The following MARCHF5 variants were observed in gnomAD, a reference collection of about 807,000 sequenced individuals.
The protein encoded by MARCHF5 is membrane associated ring-CH-type finger 5.
In MARCHF5, 5 loss-of-function variants were observed where a neutral mutation model predicts 36.5. The observed-to-expected ratio is 0.14, with a 90% CI of 0.07 to 0.29. The LOEUF (loss-of-function observed/expected upper bound fraction) is 0.29. Among genes scored for constraint, MARCHF5 ranks in the 10% least tolerant of loss-of-function variants. MARCHF5 has a pLI of 1.00. For missense variants in MARCHF5, 179 were observed against 336.3 expected (o/e 0.53, Z 3.66); for synonymous variants, 103 against 109.9 (o/e 0.94, Z 0.39).
At chr10:92,343,759 G>A (rs11186932) in intron 3 of MARCHF5, among the ~76,000 whole-genome samples, 50,985 of 152,048 alleles carry the variant, frequency 0.34, 10,747 homozygotes, top group Middle Eastern at 0.52. Context: ...AGTAGAGATG[G>A]GGTTTCACCA....
rs1367698636 is a variant in MARCHF5, at chr10:92,311,125, T to G, written c.36-10T>G. 6.2e-7 allele frequency: 1 copy of G among 1,609,426 alleles called. No individual in the cohort carries two copies. Among genetic ancestry groups the G allele is most frequent in the African/African-American group, 1.3e-5 (1 of 74,778 alleles). On this transcript the variant is annotated splice_polypyrimidine_tract_variant and intron_variant, in intron 1 of 5. Coordinates refer to ENST00000358935, the MANE Select transcript of MARCHF5 (RefSeq NM_017824.5). ...ATATAAATGTCATCCTTTTCTCTTT[T>G]AATTTACAGAAGTTGCTGGGTTTGT... is the stretch of plus-strand genomic sequence containing the variant.
intron 2 of MARCHF5, among the ~76,000 whole-genome samples, chr10:92,337,609 G>T (rs982976568): frequency 2.6e-5 from 4 of 152,064 alleles, no homozygotes; most frequent in Admixed American, 1.3e-4. Context: ...GGGCAAAAAG[G>T]CTCAAGAAAA....
intron 2 of MARCHF5, among the ~76,000 whole-genome samples, chr10:92,327,869 G>C (rs1843385896): frequency 6.7e-6 from 1 of 149,996 alleles, no homozygotes; most frequent in African/African-American, 2.4e-5. Context: ...GCATAAAAGG[G>C]AAAAAAAAAG....
chr10:92,293,649 G>A (rs1842917583), intron 1 of MARCHF5, among the ~76,000 whole-genome samples: 1 of 149,550 alleles, frequency 6.7e-6, no homozygotes, highest in African/African-American at 2.4e-5. Flanking sequence ...CAGGCGTAGT[G>A]GCGTGGGCCT....
At chr10:92,336,536 G>A (rs1276077690) in intron 2 of MARCHF5, among the ~76,000 whole-genome samples, 1 of 152,116 alleles carries the variant, frequency 6.6e-6, no homozygotes, top group Non-Finnish European at 1.5e-5. Flanking sequence ...GTAAATTAGG[G>A]TATGTTATGT....
intron 5 of MARCHF5, chr10:92,350,072 T>A (rs1843698862): frequency 2.2e-6 from 1 of 458,318 alleles, no homozygotes; most frequent in African/African-American, 2.0e-5. Context: ...GGCATATGCA[T>A]GAATCATCAC....
intron 2 of MARCHF5, among the ~76,000 whole-genome samples, chr10:92,331,005 A>G (rs982853518): frequency 3.3e-5 from 5 of 152,222 alleles, no homozygotes; most frequent in Non-Finnish European, 7.3e-5. Flanking sequence ...GGTTACCTGA[A>G]GTTTATAACT....
intron 5 of MARCHF5, among the ~76,000 whole-genome samples, chr10:92,350,523 C>G (rs1181478160): frequency 6.6e-6 from 1 of 152,144 alleles, no homozygotes. Flanking sequence ...AATTGTCAGT[C>G]CATTTGGCAG....
chr10:92,317,447 A>AT (rs554141808), intron 2 of MARCHF5, among the ~76,000 whole-genome samples: 23 of 149,748 alleles, frequency 1.5e-4, no homozygotes, highest in African/African-American at 2.2e-4. Flanking sequence ...TAGTTTTTAG[A>AT]TTTTTTTTTT....
At chr10:92,321,682 T>C (rs1843290095) in intron 2 of MARCHF5, among the ~76,000 whole-genome samples, 1 of 152,098 alleles carries the variant, frequency 6.6e-6, no homozygotes, top group South Asian at 2.1e-4. Context: ...TGGGCTTTTC[T>C]TCATGGAAAA....
At chr10:92,313,818 G>T (rs1843175231) in intron 2 of MARCHF5, among the ~76,000 whole-genome samples, 2 of 152,174 alleles carry the variant, frequency 1.3e-5, no homozygotes, top group Admixed American at 1.3e-4. Flanking sequence ...GCCTTAGCCT[G>T]TGAGGTGGAG....
At chr10:92,342,158 C>T (rs1250884757) in intron 3 of MARCHF5, among the ~76,000 whole-genome samples, 4 of 149,416 alleles carry the variant, frequency 2.7e-5, no homozygotes, top group Non-Finnish European at 4.4e-5. Flanking sequence ...CCCCACAAAC[C>T]GCCCCCCGAC....
intron 2 of MARCHF5, among the ~76,000 whole-genome samples, chr10:92,322,043 A>C (rs1201387619): frequency 1.3e-5 from 2 of 151,598 alleles, no homozygotes; most frequent in African/African-American, 4.9e-5. Flanking sequence ...TCGGGAGTTC[A>C]AGACCAGCCT....
chr10:92,315,324 G>A (rs1286389934), intron 2 of MARCHF5, among the ~76,000 whole-genome samples: 3 of 152,190 alleles, frequency 2.0e-5, no homozygotes, highest in Non-Finnish European at 2.9e-5. Context: ...CGTAATGTCC[G>A]ATAGTGTCAT....
intron 1 of MARCHF5, among the ~76,000 whole-genome samples, chr10:92,295,033 TA>T (rs977591976): frequency 5.9e-5 from 9 of 151,354 alleles, no homozygotes; most frequent in African/African-American, 1.5e-4. Flanking sequence ...GACCCTGTCT[TA>T]AAAAAAAATG....
chr10:92,343,248 C>T (rs1843600327), intron 3 of MARCHF5, among the ~76,000 whole-genome samples: 1 of 152,186 alleles, frequency 6.6e-6, no homozygotes, highest in Non-Finnish European at 1.5e-5. Context: ...CTTCTGTGTA[C>T]TTATCCAAAT....
intron 2 of MARCHF5, among the ~76,000 whole-genome samples, chr10:92,317,592 G>A (rs1843228177): frequency 6.6e-6 from 1 of 152,082 alleles, no homozygotes. Flanking sequence ...AACACAATCA[G>A]CAACAATTGA....
rs571311789 is a variant in MARCHF5, at chr10:92,331,101, T to C, written c.239-9572T>C. Among the ~76,000 whole-genome samples, 568 of 148,844 alleles carry C rather than the reference T, an allele frequency of 3.8e-3. 3 individuals are homozygous for C. Among genetic ancestry groups the C allele is most frequent in the African/African-American group, 0.013 (540 of 41,122 alleles). ...GGAAAATGTGAAAAATATACACATA[T>C]GTTTAAAGAAAAAAAGACTGTGTTA... On this transcript the variant is annotated intron_variant, in intron 2 of 5. Coordinates refer to ENST00000358935, the MANE Select transcript of MARCHF5 (RefSeq NM_017824.5).
intron 1 of MARCHF5, among the ~76,000 whole-genome samples, chr10:92,293,783 A>G (rs1193156916): frequency 6.6e-6 from 1 of 151,036 alleles, no homozygotes; most frequent in Non-Finnish European, 1.5e-5. Context: ...CTCCATCTCA[A>G]AAAAAAAAGC....
Sources: gnomAD v4.1 joint callset for allele counts (sites outside exome capture counted in the v4.1 genomes callset) on GRCh38, gnomAD v4.1.1 for gene constraint, MANE v1.5 for transcripts, NCBI Gene and HGNC (gene_info 2026-07-23, HGNC 2026-07-21) for gene names.